DOCK7: variants seen among roughly 807,000 people sequenced by gnomAD.
The protein encoded by DOCK7 is dedicator of cytokinesis protein 7.
A neutral mutation model predicts 271.0 loss-of-function variants in DOCK7; 138 were observed. The ratio of observed to expected loss-of-function variants is 0.51; its 90% CI spans 0.44 to 0.59. DOCK7 has a LOEUF of 0.59. Among genes scored for constraint, DOCK7 ranks in the 20% least tolerant of loss-of-function variants. The probability of loss-of-function intolerance (pLI) is 0.00; values close to 1 mark genes in which losing one functional copy is unlikely to be tolerated. For missense variants in DOCK7, 2,066 were observed against 2,592.4 expected, an observed-to-expected ratio of 0.80 and a Z score of 4.41; for synonymous variants, 823 against 876.1, an observed-to-expected ratio of 0.94 and a Z score of 1.07.
intron 14 of DOCK7, among the ~76,000 whole-genome samples, chr1:62,587,394 C>A (rs1249389043): frequency 6.6e-6 from 1 of 150,738 alleles, no homozygotes; most frequent in Admixed American, 6.6e-5. Context: ...ATAATAGAAC[C>A]TTGCTAATCA....
chr1:62,510,666 G>A lies in DOCK7; in HGVS notation c.4290C>T (p.Ser1430=). 6.2e-7 allele frequency: 1 copy of A among 1,612,018 alleles called. No individual in the cohort carries two copies. Among genetic ancestry groups the A allele is most frequent in the African/African-American group, 1.3e-5 (1 of 74,890 alleles). ...TYTIASPPER[S]PSGSAFGSQE... ...GACTTCCAAAGGCACTTCCAGATGG[G>A]CTTCTCTCTGTCAAATAAATTTCAA... Residue 1430 remains serine (S), a synonymous_variant, in exon 34 of 50, where the codon AGC becomes AGT. Transcript: ENST00000635253.
At chr1:62,512,530 A>G (rs950645877) in intron 33 of DOCK7, among the ~76,000 whole-genome samples, 1 of 152,180 alleles carries the variant, frequency 6.6e-6, no homozygotes, top group African/African-American at 2.4e-5. Flanking sequence ...AAATGCTACT[A>G]AACTGTTTTG....
At chr1:62,649,715 C>T (rs906603748) in intron 4 of DOCK7, among the ~76,000 whole-genome samples, 3 of 152,200 alleles carry the variant, frequency 2.0e-5, no homozygotes, top group African/African-American at 7.2e-5. Flanking sequence ...CAACCCCACA[C>T]ACATCACCAT....
At chr1:62,680,417 C>A (rs1019533994) in intron 1 of DOCK7, among the ~76,000 whole-genome samples, 1 of 151,998 alleles carries the variant, frequency 6.6e-6, no homozygotes, top group East Asian at 1.9e-4. Flanking sequence ...ACATGTTAAA[C>A]CTAAAACCAT....
chr1:62,617,323 T>A (rs908824341), intron 14 of DOCK7, among the ~76,000 whole-genome samples: 3 of 152,002 alleles, frequency 2.0e-5, no homozygotes, highest in African/African-American at 7.2e-5. Context: ...TTAGAAAAAA[T>A]TCATTCTTTT....
At chr1:62,665,313 A>G (rs1158868179) in intron 1 of DOCK7, among the ~76,000 whole-genome samples, 1 of 152,160 alleles carries the variant, frequency 6.6e-6, no homozygotes, top group Non-Finnish European at 1.5e-5. Flanking sequence ...AATGAAGCCT[A>G]TATAATGTGA....
At chr1:62,658,599 T>C (rs898063636) in intron 2 of DOCK7, among the ~76,000 whole-genome samples, 1 of 152,040 alleles carries the variant, frequency 6.6e-6, no homozygotes, top group Non-Finnish European at 1.5e-5. Flanking sequence ...ATTTTTCAAG[T>C]GCTGAAAGAA....
chr1:62,598,524 T>C (rs1649630288), intron 14 of DOCK7, among the ~76,000 whole-genome samples: 2 of 152,046 alleles, frequency 1.3e-5, no homozygotes, highest in South Asian at 2.1e-4. Flanking sequence ...AATAAAATGT[T>C]AAGGACAAAA....
rs372754300 is a variant in DOCK7, at chr1:62,640,904, C to T, written c.819-4301G>A. Among the ~76,000 whole-genome samples, 7 of 152,208 alleles carry T rather than the reference C, an allele frequency of 4.6e-5. No homozygotes were observed. In the South Asian group the frequency reaches 1.4e-3, roughly 32 times the overall value. ...AAAATTCTTTCATGAACAAGTAGGT[C>T]ATAGACAAATTATGTCTGCACAATT... On this transcript the variant is annotated intron_variant, in intron 7 of 49. Coordinates refer to ENST00000635253, the MANE Select transcript of DOCK7 (RefSeq NM_001367561.1).
intron 41 of DOCK7, among the ~76,000 whole-genome samples, chr1:62,490,350 A>G (rs1646427391): frequency 6.6e-6 from 1 of 152,078 alleles, no homozygotes; most frequent in South Asian, 2.1e-4. Context: ...ATTACTATGC[A>G]ACCTCCCAAA....
intron 40 of DOCK7, 144 bp from the exon 41 acceptor site, chr1:62,492,991 TA>T (rs1646509292): frequency 1.6e-6 from 1 of 614,942 alleles, no homozygotes; most frequent in Non-Finnish European, 2.7e-6. Context: ...GATAAATCTC[TA>T]AAAACTTTCT....
chr1:62,477,476 A>G (rs1052111956), intron 44 of DOCK7, among the ~76,000 whole-genome samples: 4 of 152,226 alleles, frequency 2.6e-5, no homozygotes, highest in Non-Finnish European at 4.4e-5. Context: ...TTTCTAAAAT[A>G]TGTGTGAAAA....
intron 12 of DOCK7, chr1:62,625,000 C>T: frequency 3.6e-6 from 1 of 275,426 alleles, no homozygotes; most frequent in Non-Finnish European, 6.7e-6. Context: ...AAACAGGATA[C>T]AGGTATGAAA....
rs202233124 is a variant in DOCK7, at chr1:62,561,620, T to C, written c.2196A>G (p.Thr732=). 72 of 1,557,918 alleles carry C rather than the reference T, an allele frequency of 4.6e-5. No homozygotes were observed. Among genetic ancestry groups the C allele is most frequent in the Non-Finnish European group, 5.9e-5 (68 of 1,159,468 alleles). Residue 732 remains threonine, a synonymous_variant, in exon 19 of 50, where the codon ACA becomes ACG. Coordinates refer to ENST00000635253, the MANE Select transcript of DOCK7 (RefSeq NM_001367561.1). ...VEVVAVSSIH[T]QDPYLDKFFA... Reference sequence around the variant, plus strand: ...AATAAAAATTATTAAAACTCACTTGTGTATGGATAGACGAAACAGCAACAA... The same window carrying C: ...AATAAAAATTATTAAAACTCACTTGCGTATGGATAGACGAAACAGCAACAA...
chr1:62,655,024 C>T (rs139467497), intron 2 of DOCK7, among the ~76,000 whole-genome samples: 11 of 152,244 alleles, frequency 7.2e-5, no homozygotes, highest in African/African-American at 2.6e-4. Context: ...GACTTTTGGC[C>T]TCTAGCACTG....
chr1:62,537,042 G>T (rs980371568), intron 28 of DOCK7, among the ~76,000 whole-genome samples: 2 of 152,180 alleles, frequency 1.3e-5, no homozygotes, highest in Non-Finnish European at 2.9e-5. Context: ...CTGGATACAA[G>T]AGAGTTAAGC....
At chr1:62,563,178 C>A (rs1646388227) in intron 18 of DOCK7, among the ~76,000 whole-genome samples, 1 of 152,056 alleles carries the variant, frequency 6.6e-6, no homozygotes, top group South Asian at 2.1e-4. Context: ...AGTAACGAGC[C>A]CCCTCACTGG....
chr1:62,629,091 G>T (rs1300155310), intron 11 of DOCK7: 1 of 152,180 alleles, frequency 6.6e-6, no homozygotes, highest in African/African-American at 2.4e-5. Context: ...TGTTACACTG[G>T]TAAAGATATG....
intron 18 of DOCK7, among the ~76,000 whole-genome samples, chr1:62,567,271 A>G (rs1178341209): frequency 6.6e-6 from 1 of 152,228 alleles, no homozygotes; most frequent in East Asian, 1.9e-4. Flanking sequence ...GGCACTATTC[A>G]CAAGAGCAAA....
Sources: allele counts gnomAD v4.1 joint callset (sites outside exome capture counted in the v4.1 genomes callset), GRCh38; gene constraint gnomAD v4.1.1; transcripts MANE v1.5; gene names NCBI Gene and HGNC (gene_info 2026-07-23, HGNC 2026-07-21).